Variants in ORC1 observed in about 807,000 individuals in gnomAD.
The protein encoded by ORC1 is origin recognition complex, subunit 1 homolog.
A neutral mutation model predicts 98.9 loss-of-function variants in ORC1; 61 were observed. The observed-to-expected ratio is 0.62, with a 90% confidence interval of 0.50 to 0.76. ORC1 has a LOEUF of 0.76. Among genes scored for constraint, ORC1 ranks in the 30% least tolerant of loss-of-function variants. ORC1 has a pLI of 0.00. For missense variants in ORC1, 979 were observed against 1,072.2 expected, an observed-to-expected ratio of 0.91 and a Z score of 1.21; for synonymous variants, 385 against 406.9, an observed-to-expected ratio of 0.95 and a Z score of 0.65.
chr1:52,389,107 G>T, intron 7 of ORC1, 110 bp downstream of exon 7: 1 of 847,920 alleles, frequency 1.2e-6, no homozygotes. Context: ...TAGGTAAAAG[G>T]TCAATTTCAA....
upstream of ORC1, among the ~76,000 whole-genome samples, chr1:52,407,947 T>G (rs1648043842): frequency 1.3e-5 from 2 of 152,204 alleles, no homozygotes; most frequent in Non-Finnish European, 2.9e-5. Context: ...TCCCAGCTAC[T>G]TGGGAGGCTG....
At chr1:52,394,158 G>T (rs555350693) in intron 5 of ORC1, among the ~76,000 whole-genome samples, 1 of 152,286 alleles carries the variant, frequency 6.6e-6, no homozygotes, top group South Asian at 2.1e-4. Flanking sequence ...AATGACATTT[G>T]AAGAGATTTA....
chr1:52,407,594 A>G (rs952093815), upstream of ORC1, among the ~76,000 whole-genome samples: 10 of 152,270 alleles, frequency 6.6e-5, no homozygotes, highest in South Asian at 2.1e-4. Context: ...TTGTTCTTGT[A>G]TTGTTATTAA....
intron 3 of ORC1, among the ~76,000 whole-genome samples, chr1:52,399,928 CGTACCAGCAATA>C (rs1335518776): frequency 6.6e-6 from 1 of 152,070 alleles, no homozygotes; most frequent in Non-Finnish European, 1.5e-5. Context: ...AGTATCACTC[CGTACCAGCAATA>C]GCTCCAACCG....
At chr1:52,385,132 A>G in intron 10 of ORC1, 29 bp downstream of exon 10, 1 of 1,457,868 alleles carries the variant, frequency 6.9e-7, no homozygotes, top group Non-Finnish European at 9.6e-7. Flanking sequence ...TTATTCCCCA[A>G]ACTACCCTGC....
At position 52,381,510 on chromosome 1, in the gene ORC1, T is replaced by C. The variant is rs985303594; in HGVS notation, c.2133+132A>G. ...AAGGCTAAGGAATTTCTCATAATCT[T>C]GTCTTTTTTGATATTTTTACACGAC... On this transcript the variant is annotated intron_variant, in intron 14 of 16. Transcript: ENST00000371568. 7.4e-6 allele frequency: 7 copies of C among 948,550 alleles called. No homozygotes were observed. The African/African-American group carries it at 8.2e-5, about 11-fold the overall frequency. 58.8% of individuals were successfully genotyped at this position (948,550 alleles called of 1,614,324 possible). A position where few individuals can be genotyped will look rare whatever the true frequency, so the allele number is the denominator to read the frequency against.
chr1:52,390,072 A>G (rs1261054325), intron 6 of ORC1, among the ~76,000 whole-genome samples: 1 of 152,252 alleles, frequency 6.6e-6, no homozygotes. Context: ...TCCCATGCTC[A>G]TGGATGGGTA....
At chr1:52,380,205 C>T (rs755063762) in intron 14 of ORC1, among the ~76,000 whole-genome samples, 3 of 152,194 alleles carry the variant, frequency 2.0e-5, no homozygotes, top group African/African-American at 4.8e-5. Flanking sequence ...TACTGGCCCA[C>T]TCAGATCATC....
At chr1:52,397,613 TG>T in intron 4 of ORC1, 71 bp downstream of exon 4, 1 of 1,391,348 alleles carries the variant, frequency 7.2e-7, no homozygotes, top group Non-Finnish European at 1.0e-6. Context: ...GTAATATTTC[TG>T]GGGTCATGAA....
At position 52,385,842 on chromosome 1, in the gene ORC1, G is replaced by T. The variant is rs1647135074; in HGVS notation, c.1481+10C>A. The T allele has an allele frequency of 3.8e-6, 6 of 1,598,018 alleles. No individual in the cohort carries two copies. The highest frequency in any genetic ancestry group is 4.3e-6 in the Non-Finnish European group (5 of 1,165,480). ...CTGCCTCTCTGAAGGGGAATCAACAGCAGCAGTACCTCAGTCGGGCTTCCT... is the reference window on the plus strand; with the variant it reads ...CTGCCTCTCTGAAGGGGAATCAACATCAGCAGTACCTCAGTCGGGCTTCCT... On this transcript the variant is annotated intron_variant, in intron 9 of 16. Transcript: ENST00000371568.
chr1:52,404,747 A>G (rs1557589796), upstream of ORC1: 2 of 1,612,368 alleles, frequency 1.2e-6, no homozygotes, highest in Non-Finnish European at 1.7e-6. Flanking sequence ...AAGGCATTCT[A>G]AAATGGCTAA....
intron 14 of ORC1, among the ~76,000 whole-genome samples, chr1:52,377,654 T>C (rs115364766): frequency 0.011 from 1,471 of 134,048 alleles, 21 homozygotes; most frequent in African/African-American, 0.038. Context: ...AATTCTCAAG[T>C]GGAGAATTTT....
chr1:52,397,891 G>A (rs752764767), intron 3 of ORC1, 28 bp from the exon 4 acceptor site: 408 of 1,605,260 alleles, frequency 2.5e-4, no homozygotes, highest in Non-Finnish European at 3.4e-4. Context: ...GAAAGGGAAA[G>A]GTTAAGACAA....
intron 5 of ORC1, among the ~76,000 whole-genome samples, chr1:52,394,841 G>C (rs1221064249): frequency 6.6e-6 from 1 of 152,072 alleles, no homozygotes; most frequent in Non-Finnish European, 1.5e-5. Context: ...GTAGAGACGG[G>C]GTTTCACCAT....
At chr1:52,381,990 T>C (rs1353342563) in intron 13 of ORC1, among the ~76,000 whole-genome samples, 2 of 152,176 alleles carry the variant, frequency 1.3e-5, no homozygotes, top group Non-Finnish European at 2.9e-5. Context: ...ATTCTTTTTT[T>C]TTCTTTGAGA....
rs1489546627 is a variant in ORC1, at chr1:52,388,672, GTTC to G, written c.1188-38_1188-36del. On this transcript the variant is annotated intron_variant, in intron 7 of 16. Coordinates refer to ENST00000371568, the MANE Select transcript of ORC1 (RefSeq NM_004153.4). ...AGGGACATATTTTTTGATACTCAGTGTTCAAGTCTAAATAAGAAGAACTCTATA... is the reference window on the plus strand; with the variant it reads ...AGGGACATATTTTTTGATACTCAGTGAAGTCTAAATAAGAAGAACTCTATA... The G allele has an allele frequency of 6.4e-6, 10 of 1,557,772 alleles. No homozygotes were observed. The Admixed American group carries it at 1.7e-4, about 26-fold the overall frequency.
chr1:52,401,702 T>A (rs573962948), intron 2 of ORC1, among the ~76,000 whole-genome samples: 1 of 152,270 alleles, frequency 6.6e-6, no homozygotes, highest in South Asian at 2.1e-4. Context: ...AAAGGTCTTA[T>A]TAGGAACCCT....
upstream of ORC1, among the ~76,000 whole-genome samples, chr1:52,407,103 G>A (rs772542177): frequency 3.3e-5 from 5 of 152,012 alleles, no homozygotes; most frequent in East Asian, 1.9e-4. Flanking sequence ...CTGCAAGCTC[G>A]GCCTCCTGGG....
In ORC1 at chr1:52,383,957, G is replaced by A; in HGVS notation, c.1756-20C>T. 1.3e-6 allele frequency: 2 copies of A among 1,599,362 alleles called. No homozygotes were observed. The highest frequency in any genetic ancestry group is 1.7e-6 in the Non-Finnish European group (2 of 1,166,508). On this transcript the variant is annotated intron_variant, in intron 11 of 16. Transcript: ENST00000371568. The stretch of plus-strand genomic sequence containing the variant: ...TAGCTTCTGCATTAGGAGAAACACA[G>A]TTGTGAGGAACTGTAAGGGTCTTAC...
Sources: allele counts gnomAD v4.1 joint callset (sites outside exome capture counted in the v4.1 genomes callset), GRCh38; gene constraint gnomAD v4.1.1; transcripts MANE v1.5; gene names NCBI Gene and HGNC (gene_info 2026-07-23, HGNC 2026-07-21).